Variants in ROBO2 observed in about 807,000 individuals in gnomAD.
ROBO2 encodes the protein roundabout guidance receptor 2.
In ROBO2, 53 loss-of-function variants were observed where a neutral mutation model predicts 160.8. The ratio of observed to expected loss-of-function variants is 0.33; its 90% CI spans 0.26 to 0.41. The LOEUF (loss-of-function observed/expected upper bound fraction) is 0.41, where lower values mean the gene tolerates loss of function less well. Ranked by LOEUF, ROBO2 falls within the 10% of genes least tolerant of loss-of-function variation. ROBO2 has a pLI of 1.00. For synonymous variants in ROBO2, 664 were observed against 611.7 expected (o/e 1.09, Z -1.26); for missense variants, 1,577 against 1,722.4 (o/e 0.92, Z 1.49).
At chr3:76,776,439 T>C (rs1301848217) in intron 2 of ROBO2, among the ~76,000 whole-genome samples, 1 of 150,962 alleles carries the variant, frequency 6.6e-6, no homozygotes, top group Non-Finnish European at 1.5e-5. Context: ...GTTTTGATCA[T>C]TAGGCCAACT....
chr3:77,356,409 A>T (rs1206786999), intron 2 of ROBO2, among the ~76,000 whole-genome samples: 5 of 152,110 alleles, frequency 3.3e-5, no homozygotes, highest in Non-Finnish European at 5.9e-5. Flanking sequence ...AGAGAGACTA[A>T]ATTCAGAGAA....
At chr3:76,718,090 A>C (rs1459185810) in intron 2 of ROBO2, among the ~76,000 whole-genome samples, 1 of 152,216 alleles carries the variant, frequency 6.6e-6, no homozygotes, top group Non-Finnish European at 1.5e-5. Flanking sequence ...TCCCTAAAGA[A>C]GTGAGTGGAT....
intron 2 of ROBO2, among the ~76,000 whole-genome samples, chr3:77,139,669 A>G (rs765107354): frequency 1.2e-4 from 19 of 152,206 alleles, no homozygotes; most frequent in Non-Finnish European, 2.6e-4. Context: ...GTATGTTGGT[A>G]TTATTACCAT....
At chr3:76,089,038 G>T (rs1376962691) in intron 2 of ROBO2, among the ~76,000 whole-genome samples, 2 of 151,954 alleles carry the variant, frequency 1.3e-5, no homozygotes, top group East Asian at 1.9e-4. Context: ...GCATCAAAAG[G>T]ATAAAGAATA....
chr3:77,137,066 G>A (rs887146740), intron 2 of ROBO2, among the ~76,000 whole-genome samples: 1 of 152,172 alleles, frequency 6.6e-6, no homozygotes, highest in Non-Finnish European at 1.5e-5. Context: ...TTGCGGGTGT[G>A]AGCCTCTGCA....
chr3:76,116,491 A>T (rs766563178), intron 2 of ROBO2, among the ~76,000 whole-genome samples: 1 of 152,118 alleles, frequency 6.6e-6, no homozygotes, highest in African/African-American at 2.4e-5. Flanking sequence ...GCTAGTGTAG[A>T]TGTAGAAGGT....
At chr3:77,028,740 C>CCAT (rs1400085794) in intron 2 of ROBO2, among the ~76,000 whole-genome samples, 1 of 151,936 alleles carries the variant, frequency 6.6e-6, no homozygotes, top group Non-Finnish European at 1.5e-5. Flanking sequence ...AAAAAATCTG[C>CCAT]CATCTCATTT....
At position 76,199,685 on chromosome 3, in the gene ROBO2, T is replaced by A. The variant is rs549270100; in HGVS notation, c.109+262083T>A. Reference sequence around the variant, plus strand: ...CTATTCAGCAGTTGGCCCAAAATGATCAACACTCTGTCAATAACTGTCAAC... The same window carrying A: ...CTATTCAGCAGTTGGCCCAAAATGAACAACACTCTGTCAATAACTGTCAAC... On this transcript the variant is annotated intron_variant, in intron 2 of 26. Coordinates refer to the ROBO2 transcript ENST00000487694. Among the ~76,000 whole-genome samples the A allele has an allele frequency of 4.6e-5, 7 of 152,170 alleles. No individual in the cohort carries two copies. In the East Asian group the frequency reaches 1.4e-3, roughly 29 times the overall value.
chr3:76,396,560 A>T (rs1404537236), intron 2 of ROBO2, among the ~76,000 whole-genome samples: 1 of 152,176 alleles, frequency 6.6e-6, no homozygotes, highest in African/African-American at 2.4e-5. Flanking sequence ...ACATGATTAT[A>T]TATCTAGAAA....
chr3:76,280,662 A>G (rs1359270076), intron 2 of ROBO2, among the ~76,000 whole-genome samples: 1 of 151,974 alleles, frequency 6.6e-6, no homozygotes, highest in Non-Finnish European at 1.5e-5. Context: ...TCTGTTTTAA[A>G]TGGCCACTTT....
chr3:76,043,666 C>T (rs953391328), intron 2 of ROBO2, among the ~76,000 whole-genome samples: 1 of 130,580 alleles, frequency 7.7e-6, no homozygotes, highest in Admixed American at 7.5e-5. Context: ...AAAACCAAAC[C>T]AAAACAAACC....
chr3:76,953,806 A>G (rs1437398601), intron 2 of ROBO2, among the ~76,000 whole-genome samples: 1 of 151,632 alleles, frequency 6.6e-6, no homozygotes, highest in Non-Finnish European at 1.5e-5. Context: ...AAAAGACCAT[A>G]TGTTCCTTTT....
At chr3:76,489,160 T>C (rs537486489) in intron 2 of ROBO2, among the ~76,000 whole-genome samples, 1 of 150,464 alleles carries the variant, frequency 6.6e-6, no homozygotes, top group Non-Finnish European at 1.5e-5. Context: ...TTTTGTTTTT[T>C]TTTTTGGCCT....
intron 2 of ROBO2, among the ~76,000 whole-genome samples, chr3:76,765,530 A>G (rs1191037436): frequency 6.6e-6 from 1 of 151,620 alleles, no homozygotes; most frequent in African/African-American, 2.4e-5. Flanking sequence ...ATGACTTGCA[A>G]CGTTACTTCA....
chr3:76,744,879 C>G (rs2093860014), intron 2 of ROBO2, among the ~76,000 whole-genome samples: 1 of 152,152 alleles, frequency 6.6e-6, no homozygotes, highest in South Asian at 2.1e-4. Context: ...TGTACGTTCA[C>G]TCTGTCCTAA....
chr3:77,137,383 C>T (rs534635559), intron 2 of ROBO2, among the ~76,000 whole-genome samples: 143 of 152,210 alleles, frequency 9.4e-4, no homozygotes, highest in African/African-American at 3.1e-3. Flanking sequence ...TGCGCCACCA[C>T]GCCCAGCTAA....
In ROBO2 at chr3:77,373,867, C is replaced by CAA. The variant is rs35983454; in HGVS notation, c.389-103530_389-103529dup. Among the ~76,000 whole-genome samples, 236 of 112,382 alleles carry CAA rather than the reference C, an allele frequency of 2.1e-3. 1 individual carries two copies. Among genetic ancestry groups the CAA allele is most frequent in the African/African-American group, 6.4e-3 (171 of 26,686 alleles). The allele number at this position is 112,382 out of a possible 152,430, so 73.7% of individuals were successfully genotyped here. A position where few individuals can be genotyped will look rare whatever the true frequency, so the allele number is the denominator to read the frequency against. Reference sequence around the variant, plus strand: ...AGAGCAGCCTCAACACCAAAGCAGGCAAAAAAAAAAAAAAAAAATGTTGGC... The same window carrying CAA: ...AGAGCAGCCTCAACACCAAAGCAGGCAAAAAAAAAAAAAAAAAAAATGTTGGC... On this transcript the variant is annotated intron_variant, in intron 2 of 25. Coordinates refer to ENST00000461745, the Ensembl canonical transcript of ROBO2.
At chr3:77,434,159 C>T (rs373924863) in intron 2 of ROBO2, among the ~76,000 whole-genome samples, 1 of 152,168 alleles carries the variant, frequency 6.6e-6, no homozygotes, top group East Asian at 1.9e-4. Context: ...CTCTTCTTGG[C>T]CTTTTTCTAC....
At chr3:77,108,291 C>T (rs1007422675) in intron 2 of ROBO2, among the ~76,000 whole-genome samples, 3 of 125,550 alleles carry the variant, frequency 2.4e-5, no homozygotes, top group Non-Finnish European at 3.6e-5. Flanking sequence ...TATATGTATA[C>T]ACATATGCAT....
Sources: gnomAD v4.1 joint callset for allele counts (sites outside exome capture counted in the v4.1 genomes callset) on GRCh38, gnomAD v4.1.1 for gene constraint, MANE v1.5 for transcripts, NCBI Gene and HGNC (gene_info 2026-07-23, HGNC 2026-07-21) for gene names.